ATP13A4: variants seen among roughly 807,000 people sequenced by gnomAD.
ATP13A4 encodes probable cation-transporting ATPase 13A4.
In ATP13A4, 114 loss-of-function variants were observed where a neutral mutation model predicts 142.5. The observed-to-expected ratio is 0.80, with a 90% CI of 0.69 to 0.93. The LOEUF is 0.93. Among genes scored for constraint, ATP13A4 ranks in the 40% least tolerant of loss-of-function variants. The pLI, the probability that ATP13A4 is intolerant of heterozygous loss-of-function variation, is 0.00. For synonymous variants in ATP13A4, 488 were observed against 514.8 expected (o/e 0.95, Z 0.70); for missense variants, 1,392 against 1,454.0 (o/e 0.96, Z 0.69).
chr3:193,540,332 T>A (rs1006244607), intron 1 of ATP13A4, among the ~76,000 whole-genome samples: 4 of 151,976 alleles, frequency 2.6e-5, no homozygotes, highest in African/African-American at 9.7e-5. Context: ...TTCCTCATAC[T>A]TCTCCGTGAT....
At chr3:193,440,730 C>T (rs1395540986) in intron 20 of ATP13A4, 93 bp from the exon 21 acceptor site, 101 of 1,328,924 alleles carry the variant, frequency 7.6e-5, no homozygotes, top group Non-Finnish European at 1.1e-4. Context: ...TGCATCATGA[C>T]ACTTACGATG....
chr3:193,463,685 AT>A (rs1428351071), intron 12 of ATP13A4, among the ~76,000 whole-genome samples: 1 of 152,120 alleles, frequency 6.6e-6, no homozygotes, highest in African/African-American at 2.4e-5. Flanking sequence ...ATTATTGCTC[AT>A]TTTTTATACA....
chr3:193,462,402 C>T (rs1718005012), intron 13 of ATP13A4, among the ~76,000 whole-genome samples: 1 of 152,054 alleles, frequency 6.6e-6, no homozygotes, highest in Non-Finnish European at 1.5e-5. Flanking sequence ...GAGGCTTCAG[C>T]TTGAACAAAG....
chr3:193,455,718 T>C (rs1322002752), intron 16 of ATP13A4, among the ~76,000 whole-genome samples: 1 of 152,216 alleles, frequency 6.6e-6, no homozygotes, highest in Non-Finnish European at 1.5e-5. Flanking sequence ...CATTGCATTA[T>C]AAAGATGCAC....
At position 193,550,869 on chromosome 3, in the gene ATP13A4, T is replaced by C. The variant is rs186551120; in HGVS notation, c.60+3871A>G. 2.0e-5 allele frequency among the ~76,000 whole-genome samples: 3 copies of C among 152,288 alleles called. No individual in the cohort carries two copies. The East Asian group carries it at 5.8e-4, about 29-fold the overall frequency. On this transcript the variant is annotated intron_variant, in intron 1 of 29. Coordinates refer to ENST00000342695, the MANE Select transcript of ATP13A4 (RefSeq NM_032279.4). ...GTGTTAAGGTGTAACTAAAGAGCAA[T>C]GTTAGAATCAATTAAGCCATGATAC...
chr3:193,548,851 A>G (rs1474592389), intron 1 of ATP13A4, among the ~76,000 whole-genome samples: 1 of 152,236 alleles, frequency 6.6e-6, no homozygotes, highest in African/African-American at 2.4e-5. Flanking sequence ...ATGGAAGTCC[A>G]AAAAGAGTTT....
intron 25 of ATP13A4, among the ~76,000 whole-genome samples, chr3:193,428,710 G>A (rs556854003): frequency 1.0e-4 from 15 of 147,734 alleles, no homozygotes; most frequent in African/African-American, 3.0e-4. Context: ...CAAGCACCGC[G>A]TGTTCTCACT....
intron 3 of ATP13A4, among the ~76,000 whole-genome samples, chr3:193,494,029 A>G (rs1720091788): frequency 6.6e-6 from 1 of 152,140 alleles, no homozygotes; most frequent in Non-Finnish European, 1.5e-5. Flanking sequence ...AACTATAAAA[A>G]GAGACAAAAA....
intron 25 of ATP13A4, among the ~76,000 whole-genome samples, chr3:193,433,608 A>G (rs1287415820): frequency 3.3e-5 from 5 of 152,204 alleles, no homozygotes; most frequent in Non-Finnish European, 5.9e-5. Flanking sequence ...CATTTATAGA[A>G]GTTCCACATT....
intron 17 of ATP13A4, 83 bp from the exon 18 acceptor site, chr3:193,448,413 C>T (rs1296599870): frequency 3.2e-6 from 5 of 1,550,076 alleles, no homozygotes; most frequent in Non-Finnish European, 4.4e-6. Flanking sequence ...GCTCTGTCAT[C>T]CAGGCTGGAG....
At chr3:193,438,846 A>G (rs1041383572) in intron 22 of ATP13A4, among the ~76,000 whole-genome samples, 177 bp downstream of exon 22, 2 of 152,228 alleles carry the variant, frequency 1.3e-5, no homozygotes, top group African/African-American at 4.8e-5. Context: ...AAGCCTCCCA[A>G]TGCAACAGTT....
intron 17 of ATP13A4, 126 bp downstream of exon 17, chr3:193,453,975 C>A: frequency 1.3e-6 from 1 of 777,438 alleles, no homozygotes; most frequent in Non-Finnish European, 2.2e-6. Context: ...ACAAATTCAG[C>A]AAGCTACATT....
chr3:193,424,187 C>A (rs994805268), intron 25 of ATP13A4, among the ~76,000 whole-genome samples: 8 of 149,136 alleles, frequency 5.4e-5, no homozygotes, highest in Admixed American at 3.5e-4. Flanking sequence ...GAAGCTAACA[C>A]ACATACATGA....
At chr3:193,440,083 T>C (rs1716534486) in intron 21 of ATP13A4, 1 of 177,864 alleles carries the variant, frequency 5.6e-6, no homozygotes, top group South Asian at 1.3e-4. Flanking sequence ...ATTTTTCTGA[T>C]TTAGGGTGGA....
intron 25 of ATP13A4, among the ~76,000 whole-genome samples, chr3:193,428,216 A>G (rs1030411843): frequency 2.0e-5 from 3 of 151,972 alleles, no homozygotes; most frequent in South Asian, 4.1e-4. Flanking sequence ...GCCATCAGAG[A>G]AATGCAAATC....
intron 1 of ATP13A4, among the ~76,000 whole-genome samples, chr3:193,548,958 C>A (rs1243637075): frequency 1.3e-5 from 2 of 152,000 alleles, no homozygotes; most frequent in Non-Finnish European, 2.9e-5. Context: ...CATATAAATG[C>A]CAATAAACAT....
intron 3 of ATP13A4, among the ~76,000 whole-genome samples, chr3:193,502,081 C>T (rs1720579329): frequency 1.3e-5 from 2 of 152,048 alleles, no homozygotes; most frequent in Non-Finnish European, 2.9e-5. Flanking sequence ...GTATTATAAT[C>T]ATGCACCTGT....
chr3:193,454,481 A>G (rs762352556), intron 16 of ATP13A4, among the ~76,000 whole-genome samples: 2 of 152,260 alleles, frequency 1.3e-5, no homozygotes, highest in Non-Finnish European at 2.9e-5. Context: ...TTTAACCAAC[A>G]AACATTTATT....
intron 25 of ATP13A4, among the ~76,000 whole-genome samples, chr3:193,423,069 G>C (rs927169596): frequency 1.3e-5 from 2 of 149,642 alleles, no homozygotes; most frequent in Non-Finnish European, 3.0e-5. Flanking sequence ...AGTATCATAA[G>C]AGACTATTAT....
Sources: gnomAD v4.1 joint callset for allele counts (sites outside exome capture counted in the v4.1 genomes callset) on GRCh38, gnomAD v4.1.1 for gene constraint, MANE v1.5 for transcripts, NCBI Gene and HGNC (gene_info 2026-07-23, HGNC 2026-07-21) for gene names.